Variants in GDPD4 observed in about 807,000 individuals in gnomAD.
GDPD4 encodes the protein glycerophosphodiester phosphodiesterase domain containing 4.
Under a neutral mutation model 67.8 loss-of-function variants are expected in GDPD4, and 60 were observed. The ratio of observed to expected loss-of-function variants is 0.88; its 90% CI spans 0.72 to 1.10. GDPD4 has a LOEUF of 1.10. Ranked by LOEUF, GDPD4 falls within the 50% of genes least tolerant of loss-of-function variation. GDPD4 has a pLI of 0.00. For synonymous variants in GDPD4, 212 were observed against 210.9 expected, an observed-to-expected ratio of 1.00 and a Z score of -0.04; for missense variants, 623 against 613.9, an observed-to-expected ratio of 1.01 and a Z score of -0.16.
chr11:77,265,183 A>G (rs1959172637), intron 10 of GDPD4, among the ~76,000 whole-genome samples: 1 of 152,094 alleles, frequency 6.6e-6, no homozygotes, highest in Non-Finnish European at 1.5e-5. Flanking sequence ...ATGTGCACAT[A>G]GGTAATTAAA....
intron 16 of GDPD4, among the ~76,000 whole-genome samples, chr11:77,223,855 T>A (rs1402863577): frequency 2.0e-5 from 3 of 152,146 alleles, no homozygotes; most frequent in Non-Finnish European, 2.9e-5. Flanking sequence ...TCCACCTAAT[T>A]TGAGCGTCCT....
rs535565189 is a variant in GDPD4, at chr11:77,297,038, A to T, written c.-254+4567T>A. ...CACTGCACTCCAGCCTGGGGGACAG[A>T]GGGAGACTGCCTCAAAAAAAACAAA... On this transcript the variant is annotated intron_variant, in intron 1 of 16. Coordinates refer to ENST00000315938, the MANE Select transcript of GDPD4 (RefSeq NM_182833.3). Among the ~76,000 whole-genome samples the T allele has an allele frequency of 7.5e-5, 11 of 147,154 alleles. No individual in the cohort carries two copies. In the East Asian group the frequency reaches 2.3e-3, roughly 31 times the overall value.
intron 4 of GDPD4, among the ~76,000 whole-genome samples, chr11:77,278,097 C>G (rs1039152612): frequency 6.6e-6 from 1 of 152,106 alleles, no homozygotes; most frequent in African/African-American, 2.4e-5. Flanking sequence ...TGTGGTCTGA[C>G]AGACAGTTTG....
At chr11:77,277,624 T>C (rs373130068) in intron 4 of GDPD4, among the ~76,000 whole-genome samples, 9 of 151,978 alleles carry the variant, frequency 5.9e-5, no homozygotes, top group African/African-American at 2.2e-4. Flanking sequence ...TTGTGTCTAT[T>C]TGATTCTTCT....
At chr11:77,258,309 C>CCTTTATTTT in intron 11 of GDPD4, 77 bp downstream of exon 11, 1 of 1,371,482 alleles carries the variant, frequency 7.3e-7, no homozygotes, top group Non-Finnish European at 1.0e-6. Flanking sequence ...TCATCTATGG[C>CCTTTATTTT]CTTTATTTTC....
chr11:77,251,473 A>G (rs2135851620), intron 11 of GDPD4, among the ~76,000 whole-genome samples: 1 of 152,170 alleles, frequency 6.6e-6, no homozygotes, highest in Admixed American at 6.5e-5. Context: ...TGAAGAATAG[A>G]TTTACTGAGT....
chr11:77,271,461 TTA>T (rs1334638211), intron 5 of GDPD4, 68 bp from the exon 6 acceptor site: 5 of 893,532 alleles, frequency 5.6e-6, no homozygotes, highest in Non-Finnish European at 9.3e-6. Flanking sequence ...TCCTCAGGAA[TTA>T]TATGTGTGTC....
intron 9 of GDPD4, 97 bp from the exon 10 acceptor site, chr11:77,268,636 C>G (rs1959190425): frequency 1.0e-6 from 1 of 956,718 alleles, no homozygotes; most frequent in African/African-American, 1.7e-5. Flanking sequence ...TTTTGGGGAG[C>G]AGAGCTTGGC....
At chr11:77,240,583 T>C (rs576463869) in intron 13 of GDPD4, among the ~76,000 whole-genome samples, 22 of 152,300 alleles carry the variant, frequency 1.4e-4, no homozygotes, top group South Asian at 8.3e-4. Flanking sequence ...GCAATGATTT[T>C]TTGGATATGA....
Position 77,222,061 on chromosome 11 carries a change from CTTTCCAT to C in GDPD4, c.1526-4754_1526-4748del, listed in dbSNP as rs569275226. Among the ~76,000 whole-genome samples, 1,204 of 152,086 alleles carry C rather than the reference CTTTCCAT, an allele frequency of 7.9e-3. 5 individuals are homozygous for C. Among genetic ancestry groups the C allele is most frequent in the Middle Eastern group, 0.02 (6 of 294 alleles). On this transcript the variant is annotated intron_variant, in intron 16 of 16. Coordinates refer to ENST00000315938, the MANE Select transcript of GDPD4 (RefSeq NM_182833.3). ...TAGGATTGCAACCCCTGCTTTTTTGCTTTCCATTTGCTTGGTAGATCTTCCTCCCTCC... is the reference window on the plus strand; with the variant it reads ...TAGGATTGCAACCCCTGCTTTTTTGCTTGCTTGGTAGATCTTCCTCCCTCC...
At chr11:77,296,124 G>A (rs182888808) in intron 1 of GDPD4, among the ~76,000 whole-genome samples, 164 of 150,726 alleles carry the variant, frequency 1.1e-3, no homozygotes, top group Admixed American at 0.01. Flanking sequence ...GGTGGCGGGC[G>A]CCTATAGTCC....
At chr11:77,276,631 G>T (rs942399474) in intron 4 of GDPD4, among the ~76,000 whole-genome samples, 2 of 152,144 alleles carry the variant, frequency 1.3e-5, no homozygotes, top group African/African-American at 4.8e-5. Flanking sequence ...GCCCTTCCAA[G>T]GACTCTTGTT....
chr11:77,274,524 T>C (rs1306879665), intron 5 of GDPD4, among the ~76,000 whole-genome samples: 1 of 152,190 alleles, frequency 6.6e-6, no homozygotes, highest in Admixed American at 6.5e-5. Flanking sequence ...GCTCCCTTTC[T>C]TGCTATGTGA....
intron 1 of GDPD4, among the ~76,000 whole-genome samples, chr11:77,294,857 T>C (rs1937895973): frequency 2.0e-5 from 3 of 151,998 alleles, no homozygotes; most frequent in African/African-American, 4.8e-5. Context: ...GGTCTATTCA[T>C]GTTTGACAGA....
At chr11:77,225,863 G>A (rs527810694) in intron 16 of GDPD4, among the ~76,000 whole-genome samples, 1 of 152,238 alleles carries the variant, frequency 6.6e-6, no homozygotes, top group African/African-American at 2.4e-5. Flanking sequence ...TCTGGGCTGT[G>A]GTTATGGCTG....
intron 14 of GDPD4, among the ~76,000 whole-genome samples, chr11:77,231,724 A>T (rs994911065): frequency 9.2e-5 from 14 of 152,344 alleles, no homozygotes; most frequent in Middle Eastern, 3.4e-3. Context: ...GGATAGGATT[A>T]TGGAGGGGTG....
intron 16 of GDPD4, among the ~76,000 whole-genome samples, chr11:77,223,274 C>CA (rs751012387): frequency 1.1e-4 from 16 of 152,148 alleles, no homozygotes; most frequent in Non-Finnish European, 2.4e-4. Context: ...CAAGGAGCTG[C>CA]AATCCTTTGG....
intron 9 of GDPD4, 49 bp from the exon 10 acceptor site, chr11:77,268,588 C>T: frequency 2.9e-6 from 4 of 1,397,446 alleles, no homozygotes; most frequent in Admixed American, 1.7e-5. Context: ...TCTCTCCTCC[C>T]AGCATTCCTT....
chr11:77,281,625 A>G lies in GDPD4; in HGVS notation c.54-2226T>C, dbSNP rs368931179. ...GCATTTGGGGTAATTTTTCTCTAGAAGGATTGGCTGAGGTACAGGAAGCTC... is the reference window on the plus strand; with the variant it reads ...GCATTTGGGGTAATTTTTCTCTAGAGGGATTGGCTGAGGTACAGGAAGCTC... On this transcript the variant is annotated intron_variant, in intron 3 of 16. Coordinates refer to ENST00000315938, the MANE Select transcript of GDPD4 (RefSeq NM_182833.3). 3.3e-5 allele frequency among the ~76,000 whole-genome samples: 5 copies of G among 152,202 alleles called. No individual in the cohort carries two copies. The East Asian group carries it at 9.6e-4, about 29-fold the overall frequency.
Sources: gnomAD v4.1 joint callset for allele counts (sites outside exome capture counted in the v4.1 genomes callset) on GRCh38, gnomAD v4.1.1 for gene constraint, MANE v1.5 for transcripts, NCBI Gene and HGNC (gene_info 2026-07-23, HGNC 2026-07-21) for gene names.